The following MAPRE2 variants were observed in gnomAD, a reference collection of about 807,000 sequenced individuals.
MAPRE2 encodes microtubule associated protein RP/EB family member 2, also known as microtubule-associated protein RP/EB family member 2.
Under a neutral mutation model 43.2 loss-of-function variants are expected in MAPRE2, and 13 were observed. That is an observed-to-expected ratio of 0.30 (90% CI 0.20 to 0.48). The LOEUF (loss-of-function observed/expected upper bound fraction) is 0.48, where lower values mean the gene tolerates loss of function less well. Ranked by LOEUF, MAPRE2 falls within the 20% of genes least tolerant of loss-of-function variation. The pLI is 0.99. For missense variants in MAPRE2, 161 were observed against 400.2 expected (o/e 0.40, Z 5.10); for synonymous variants, 135 against 148.8 (o/e 0.91, Z 0.68).
rs145023933 is a variant in MAPRE2 at position 35,113,670 on chromosome 18, A to T, written c.610+11511A>T. Among the ~76,000 whole-genome samples, 49 of 152,308 alleles carry T rather than the reference A, an allele frequency of 3.2e-4. 1 individual carries two copies. In the East Asian group the frequency reaches 8.3e-3, roughly 26 times the overall value. On this transcript the variant is annotated intron_variant, in intron 4 of 6. Transcript: ENST00000300249. ...CTCTTTGGGAGGCCAAGGTGGGAGG[A>T]TTGCTTCAGCTCAGGAATTTGAGAA...
At chr18:35,000,209 G>T (rs2097028621) in intron 1 of MAPRE2, among the ~76,000 whole-genome samples, 1 of 152,102 alleles carries the variant, frequency 6.6e-6, no homozygotes, top group Non-Finnish European at 1.5e-5. Context: ...GAAAACTTGG[G>T]CTCAGGCCCC....
At chr18:34,995,217 T>C (rs1284488318) in intron 1 of MAPRE2, among the ~76,000 whole-genome samples, 1 of 152,204 alleles carries the variant, frequency 6.6e-6, no homozygotes. Flanking sequence ...CCTGACACTT[T>C]TAGGCAGAAT....
chr18:35,100,062 G>A (rs551648469), intron 3 of MAPRE2, among the ~76,000 whole-genome samples: 1 of 152,224 alleles, frequency 6.6e-6, no homozygotes, highest in East Asian at 1.9e-4. Flanking sequence ...ACATAGCAAA[G>A]CTGTGAGCTG....
At chr18:35,065,506 C>G (rs1033157281) in intron 1 of MAPRE2, among the ~76,000 whole-genome samples, 4 of 151,992 alleles carry the variant, frequency 2.6e-5, no homozygotes, top group African/African-American at 9.7e-5. Context: ...TCCCTTATCT[C>G]CTGCTTGTTG....
intron 2 of MAPRE2, among the ~76,000 whole-genome samples, chr18:35,029,713 A>G (rs1416990826): frequency 2.0e-5 from 3 of 152,160 alleles, no homozygotes; most frequent in African/African-American, 7.2e-5. Context: ...TTGCCACCCA[A>G]CTGAGCCCAA....
chr18:35,028,034 C>T (rs2097046161), intron 2 of MAPRE2, among the ~76,000 whole-genome samples: 1 of 152,198 alleles, frequency 6.6e-6, no homozygotes, highest in Non-Finnish European at 1.5e-5. Context: ...GCATGGTAGT[C>T]CCAGGGTAGC....
intron 6 of MAPRE2, among the ~76,000 whole-genome samples, chr18:35,137,021 G>T (rs1910419674): frequency 6.6e-6 from 1 of 152,140 alleles, no homozygotes; most frequent in South Asian, 2.1e-4. Flanking sequence ...CTCGTATAAG[G>T]CATAGAAAAA....
At chr18:34,996,519 C>G (rs1311723175) in intron 1 of MAPRE2, among the ~76,000 whole-genome samples, 1 of 152,104 alleles carries the variant, frequency 6.6e-6, no homozygotes, top group Non-Finnish European at 1.5e-5. Context: ...AATCCCAGCA[C>G]CCAACATGGT....
At chr18:35,053,008 C>CCA (rs10633541) in intron 1 of MAPRE2, among the ~76,000 whole-genome samples, 8,971 of 56,738 alleles carry the variant, frequency 0.16, 615 homozygotes, top group East Asian at 0.43. Flanking sequence ...AAAGTCCCCC[C>CCA]CACACACACA....
intron 1 of MAPRE2, among the ~76,000 whole-genome samples, chr18:35,061,182 T>C (rs984317824): frequency 6.6e-6 from 1 of 152,192 alleles, no homozygotes; most frequent in Non-Finnish European, 1.5e-5. Context: ...ACATTCATAT[T>C]GGAATGATAG....
At chr18:35,078,143 A>C (rs1472258977) in intron 2 of MAPRE2, among the ~76,000 whole-genome samples, 1 of 152,222 alleles carries the variant, frequency 6.6e-6, no homozygotes, top group Non-Finnish European at 1.5e-5. Flanking sequence ...CTGAGGAAAG[A>C]CTTAAGAATT....
At chr18:35,003,150 C>T (rs568920040) in intron 1 of MAPRE2, among the ~76,000 whole-genome samples, 15 of 152,154 alleles carry the variant, frequency 9.9e-5, no homozygotes, top group Non-Finnish European at 2.1e-4. Flanking sequence ...TCACTCCTAT[C>T]CCCACAAGCA....
chr18:35,130,662 G>A (rs1910106104), intron 5 of MAPRE2, among the ~76,000 whole-genome samples: 1 of 152,174 alleles, frequency 6.6e-6, no homozygotes, highest in African/African-American at 2.4e-5. Context: ...TTTTACCTAA[G>A]GAGGGCCATG....
At position 35,141,986 on chromosome 18, in the gene MAPRE2, G is replaced by A. The variant is rs1910671624; in HGVS notation, c.*1617G>A. ...AAAGTGATATTTATTGAGTTATGTG[G>A]AAAAGATGGCTTGTATTTTTCAGAT... On this transcript the variant is annotated 3_prime_UTR_variant, in exon 7 of 7. Coordinates refer to ENST00000300249, the MANE Select transcript of MAPRE2 (RefSeq NM_014268.4). 6.6e-6 allele frequency: 1 copy of A among 152,218 alleles called. No individual in the cohort carries two copies. The highest frequency in any genetic ancestry group is 1.5e-5 in the Non-Finnish European group (1 of 68,040). The allele number at this position is 152,218 out of a possible 1,614,324, so 9.4% of individuals were successfully genotyped here. A position where few individuals can be genotyped will look rare whatever the true frequency, so the allele number is the denominator to read the frequency against.
At chr18:35,082,806 G>A (rs1200744493) in intron 2 of MAPRE2, among the ~76,000 whole-genome samples, 1 of 151,970 alleles carries the variant, frequency 6.6e-6, no homozygotes, top group Non-Finnish European at 1.5e-5. Flanking sequence ...TTATTGGGCA[G>A]ACTTTGAACT....
At chr18:35,093,235 A>C (rs1190091284) in intron 2 of MAPRE2, among the ~76,000 whole-genome samples, 1 of 151,284 alleles carries the variant, frequency 6.6e-6, no homozygotes, top group African/African-American at 2.4e-5. Context: ...AAAAAAAAAA[A>C]AAAGGAATGG....
chr18:35,074,067 G>C (rs1456606249), intron 2 of MAPRE2, among the ~76,000 whole-genome samples: 1 of 152,130 alleles, frequency 6.6e-6, no homozygotes, highest in East Asian at 1.9e-4. Flanking sequence ...AGTAAAAGGT[G>C]AGCTATATAA....
intron 1 of MAPRE2, among the ~76,000 whole-genome samples, chr18:35,066,387 A>G (rs1249940543): frequency 6.6e-6 from 1 of 152,158 alleles, no homozygotes; most frequent in African/African-American, 2.4e-5. Context: ...TCCACACAGC[A>G]TTTCTGCAGA....
At chr18:35,020,938 C>T (rs939008809) in intron 2 of MAPRE2, among the ~76,000 whole-genome samples, 2 of 152,072 alleles carry the variant, frequency 1.3e-5, no homozygotes, top group African/African-American at 4.8e-5. Context: ...GGATGGAACT[C>T]AATACATATT....
Sources: allele counts gnomAD v4.1 joint callset (sites outside exome capture counted in the v4.1 genomes callset), GRCh38; gene constraint gnomAD v4.1.1; transcripts MANE v1.5; gene names NCBI Gene and HGNC (gene_info 2026-07-23, HGNC 2026-07-21).